PDE6D: variants seen among roughly 807,000 people sequenced by gnomAD.
PDE6D encodes phosphodiesterase 6D.
Under a neutral mutation model 21.9 loss-of-function variants are expected in PDE6D, and 10 were observed. The observed-to-expected ratio is 0.46, with a 90% CI of 0.28 to 0.78. PDE6D has a LOEUF of 0.78. Ranked by LOEUF, PDE6D falls within the 30% of genes least tolerant of loss-of-function variation. The pLI, the probability that PDE6D is intolerant of heterozygous loss-of-function variation, is 0.12. For missense variants in PDE6D, 139 were observed against 184.8 expected, an observed-to-expected ratio of 0.75 and a Z score of 1.44; for synonymous variants, 59 against 63.5, an observed-to-expected ratio of 0.93 and a Z score of 0.34.
Position 231,733,000 on chromosome 2 carries a change from G to A in PDE6D, c.405C>T (p.Asp135=), listed in dbSNP as rs373459369. 41 of 1,611,668 alleles carry A rather than the reference G, an allele frequency of 2.5e-5. No homozygotes were observed. The highest frequency in any genetic ancestry group is 4.0e-5 in the African/African-American group (3 of 74,970). The change falls in exon 5 of 5, where the codon GAC becomes GAT. Residue 135 remains aspartate, a synonymous_variant. Transcript: ENST00000287600. ...GNVIIETKFF[D]DDLLVSTSRV... is the part of the protein sequence containing the mutation. ...TGGATGTGCTTACAAGAAGATCGTCGTCAAAAAACTTTGTTTCTATGATAA... is the reference window on the plus strand; with the variant it reads ...TGGATGTGCTTACAAGAAGATCGTCATCAAAAAACTTTGTTTCTATGATAA...
Position 231,737,307 on chromosome 2 carries a change from A to T in PDE6D, c.266-15T>A, listed in dbSNP as rs1360777565. On this transcript the variant is annotated splice_polypyrimidine_tract_variant and intron_variant, in intron 3 of 4. Coordinates refer to ENST00000287600, the MANE Select transcript of PDE6D (RefSeq NM_002601.4). ...GAAGAACCATTCTGAAGGAAGAAGG[A>T]AAAGCCGGGGTGAGCAGGTGCCCCA... 6.7e-7 allele frequency: 1 copy of T among 1,488,644 alleles called. No homozygotes were observed. Among genetic ancestry groups the T allele is most frequent in the African/African-American group, 1.4e-5 (1 of 72,502 alleles). The allele number at this position is 1,488,644 out of a possible 1,614,324, so 92.2% of individuals were successfully genotyped here.
intron 1 of PDE6D, among the ~76,000 whole-genome samples, chr2:231,773,191 T>A (rs761018076): frequency 6.6e-6 from 1 of 152,104 alleles, no homozygotes; most frequent in Non-Finnish European, 1.5e-5. Context: ...CAGTAAGCTA[T>A]GATAGCACCA....
intron 1 of PDE6D, among the ~76,000 whole-genome samples, chr2:231,771,397 G>C (rs1393206875): frequency 1.3e-5 from 2 of 152,168 alleles, no homozygotes; most frequent in East Asian, 3.8e-4. Context: ...TTAAATTAAG[G>C]TTCTGCCTTC....
At chr2:231,737,729 A>C (rs180981415) in intron 3 of PDE6D, 182 of 382,632 alleles carry the variant, frequency 4.8e-4, no homozygotes, top group African/African-American at 3.6e-3. Context: ...GGCCCTGCTC[A>C]TAGCAGCTTC....
intron 1 of PDE6D, among the ~76,000 whole-genome samples, chr2:231,755,088 A>G (rs1159658973): frequency 6.6e-6 from 1 of 152,160 alleles, no homozygotes; most frequent in African/African-American, 2.4e-5. Context: ...TTTGAACCAC[A>G]TAAGGATACG....
At chr2:231,767,340 G>C (rs569871532) in intron 1 of PDE6D, among the ~76,000 whole-genome samples, 30 of 149,768 alleles carry the variant, frequency 2.0e-4, no homozygotes, top group African/African-American at 7.1e-4. Context: ...TTTTTTTTGA[G>C]ACAGAGTCTC....
At position 231,733,981 on chromosome 2, in the gene PDE6D, G is replaced by A. The variant is rs554079197; in HGVS notation, c.372-948C>T. On this transcript the variant is annotated intron_variant, in intron 4 of 4. Transcript: ENST00000287600. The stretch of plus-strand genomic sequence containing the variant: ...TAATCCCAGCACTTTGGGAGTCCGA[G>A]GTGGGCGGATCACAAGGTCAGGAGA... Among the ~76,000 whole-genome samples, 18 of 152,110 alleles carry A rather than the reference G, an allele frequency of 1.2e-4. No individual in the cohort carries two copies. In the East Asian group the frequency reaches 3.3e-3, roughly 28 times the overall value.
chr2:231,737,353 T>G, intron 3 of PDE6D, 61 bp from the exon 4 acceptor site: 1 of 849,664 alleles, frequency 1.2e-6, no homozygotes, highest in South Asian at 1.4e-5. Context: ...TAAGGGCTCT[T>G]TGTCTCCCTC....
intron 1 of PDE6D, among the ~76,000 whole-genome samples, chr2:231,759,120 C>T (rs1285065376): frequency 6.6e-6 from 1 of 151,886 alleles, no homozygotes; most frequent in Non-Finnish European, 1.5e-5. Flanking sequence ...GAGTTCGACA[C>T]CAGCCTGGGT....
chr2:231,770,298 T>C (rs928185063), intron 1 of PDE6D, among the ~76,000 whole-genome samples: 3 of 152,152 alleles, frequency 2.0e-5, no homozygotes, highest in African/African-American at 7.2e-5. Context: ...GTGCTTAAGA[T>C]GAAAAAAATA....
chr2:231,751,448 G>T (rs182124742), intron 1 of PDE6D, among the ~76,000 whole-genome samples: 1 of 152,334 alleles, frequency 6.6e-6, no homozygotes, highest in East Asian at 1.9e-4. Context: ...GCCCAGCCAA[G>T]AACAGTTTCA....
At chr2:231,734,258 G>A (rs1374926576) in intron 4 of PDE6D, among the ~76,000 whole-genome samples, 1 of 151,658 alleles carries the variant, frequency 6.6e-6, no homozygotes, top group Non-Finnish European at 1.5e-5. Context: ...AAGTATAGTT[G>A]GTTCCCTACT....
At chr2:231,743,428 CAAAAAAA>C (rs34916848) in intron 1 of PDE6D, among the ~76,000 whole-genome samples, 3 of 59,032 alleles carry the variant, frequency 5.1e-5, no homozygotes, top group Admixed American at 2.0e-4. Flanking sequence ...GATTCCGTCT[CAAAAAAA>C]AAAAAAAAAA....
intron 1 of PDE6D, among the ~76,000 whole-genome samples, chr2:231,770,645 T>C (rs2049007530): frequency 1.3e-5 from 2 of 151,950 alleles, no homozygotes; most frequent in Non-Finnish European, 2.9e-5. Context: ...TGGCAAAATC[T>C]GGTCTCTAAA....
intron 1 of PDE6D, among the ~76,000 whole-genome samples, chr2:231,764,461 T>C (rs1456786510): frequency 5.9e-5 from 9 of 152,194 alleles, no homozygotes; most frequent in Admixed American, 5.9e-4. Flanking sequence ...ATGGGGAATA[T>C]TAATTTTTTT....
intron 1 of PDE6D, among the ~76,000 whole-genome samples, chr2:231,746,290 C>T (rs892699478): frequency 2.6e-5 from 4 of 151,962 alleles, no homozygotes; most frequent in East Asian, 1.9e-4. Flanking sequence ...TACATGTGCC[C>T]GCCCCCATGT....
chr2:231,742,125 T>C (rs1323320821), intron 1 of PDE6D, among the ~76,000 whole-genome samples: 1 of 151,894 alleles, frequency 6.6e-6, no homozygotes, highest in Non-Finnish European at 1.5e-5. Context: ...TAGACTGTGT[T>C]TTTTGTTTTT....
chr2:231,753,550 CA>C (rs552580821), intron 1 of PDE6D, among the ~76,000 whole-genome samples: 5 of 145,288 alleles, frequency 3.4e-5, no homozygotes, highest in African/African-American at 5.1e-5. Context: ...GACCCTGTCT[CA>C]AAAAAAATAA....
At chr2:231,758,185 T>A (rs1004767721) in intron 1 of PDE6D, among the ~76,000 whole-genome samples, 4 of 152,170 alleles carry the variant, frequency 2.6e-5, no homozygotes, top group African/African-American at 9.7e-5. Flanking sequence ...GACAGATAGG[T>A]AGATAGATAG....
Sources: allele counts gnomAD v4.1 joint callset (sites outside exome capture counted in the v4.1 genomes callset), GRCh38; gene constraint gnomAD v4.1.1; transcripts MANE v1.5; gene names NCBI Gene and HGNC (gene_info 2026-07-23, HGNC 2026-07-21).